Variants in MAST4 observed in about 807,000 individuals in gnomAD.
MAST4 encodes the protein microtubule associated serine/threonine kinase family member 4.
MAST4 carries 89 observed loss-of-function variants against 162.7 expected under a neutral mutation model. That is an observed-to-expected ratio of 0.55 (90% confidence interval 0.46 to 0.65). The LOEUF (loss-of-function observed/expected upper bound fraction) is 0.65, where lower values mean the gene tolerates loss of function less well. MAST4 is among the 30% of genes least tolerant of loss of function. The probability of loss-of-function intolerance (pLI) is 0.00; values close to 1 mark genes in which losing one functional copy is unlikely to be tolerated. For synonymous variants in MAST4, 1,479 were observed against 1,361.1 expected (o/e 1.09, Z -1.91); for missense variants, 3,153 against 3,374.0 (o/e 0.93, Z 1.62).
chr5:66,833,813 G>A (rs747969959), intron 3 of MAST4, among the ~76,000 whole-genome samples: 3 of 152,128 alleles, frequency 2.0e-5, no homozygotes, highest in Non-Finnish European at 4.4e-5. Flanking sequence ...ATTATTTCAT[G>A]TAGGAGTATG....
intron 4 of MAST4, among the ~76,000 whole-genome samples, chr5:66,972,270 G>A (rs185844102): frequency 6.6e-6 from 1 of 152,034 alleles, no homozygotes; most frequent in Non-Finnish European, 1.5e-5. Flanking sequence ...TAATAGTCTC[G>A]GGTGAAAAAG....
chr5:66,824,111 CAT>C (rs1369757542), intron 3 of MAST4, among the ~76,000 whole-genome samples: 1 of 152,210 alleles, frequency 6.6e-6, no homozygotes, highest in African/African-American at 2.4e-5. Context: ...TTTAGAGAGA[CAT>C]ATGAACCCTT....
intron 1 of MAST4, among the ~76,000 whole-genome samples, chr5:66,709,849 T>C (rs566251326): frequency 6.6e-6 from 1 of 152,302 alleles, no homozygotes; most frequent in South Asian, 2.1e-4. Context: ...CTGTGGATAT[T>C]AGGGAGATTT....
At chr5:67,070,772 T>G (rs993250281) in intron 5 of MAST4, among the ~76,000 whole-genome samples, 2 of 152,118 alleles carry the variant, frequency 1.3e-5, no homozygotes, top group African/African-American at 4.8e-5. Context: ...AGAAACAGTA[T>G]GATAGCAAGA....
chr5:66,766,259 C>A (rs1355819226), intron 2 of MAST4, among the ~76,000 whole-genome samples: 2 of 151,968 alleles, frequency 1.3e-5, no homozygotes, highest in African/African-American at 4.8e-5. Flanking sequence ...CTTTTCTCCA[C>A]GAAGAGAGTT....
At chr5:66,819,825 G>C (rs1456305173) in intron 3 of MAST4, among the ~76,000 whole-genome samples, 1 of 150,094 alleles carries the variant, frequency 6.7e-6, no homozygotes, top group Non-Finnish European at 1.5e-5. Flanking sequence ...CAAGGCTGGA[G>C]TGCACTGGTG....
At chr5:66,721,725 C>T (rs1751221739) in intron 1 of MAST4, among the ~76,000 whole-genome samples, 1 of 150,852 alleles carries the variant, frequency 6.6e-6, no homozygotes, top group Admixed American at 6.6e-5. Flanking sequence ...TACTCAACAT[C>T]TCGAATGCCT....
chr5:66,979,392 T>G (rs1049866736), intron 4 of MAST4, among the ~76,000 whole-genome samples: 1 of 152,002 alleles, frequency 6.6e-6, no homozygotes, highest in Non-Finnish European at 1.5e-5. Context: ...AAAAAAATAG[T>G]CATTAGTTTG....
At chr5:67,121,215 G>T in intron 14 of MAST4, 113 bp downstream of exon 14, 1 of 770,820 alleles carries the variant, frequency 1.3e-6, no homozygotes, top group South Asian at 1.8e-5. Context: ...TGACTTTTCA[G>T]ATCACTGCTC....
At chr5:66,784,922 C>G (rs1194383356) in intron 2 of MAST4, among the ~76,000 whole-genome samples, 1 of 152,188 alleles carries the variant, frequency 6.6e-6, no homozygotes, top group Non-Finnish European at 1.5e-5. Context: ...ACTGTAAAAA[C>G]TGGGTTGCAG....
At chr5:66,825,261 GACACACAC>G (rs56076405) in intron 3 of MAST4, among the ~76,000 whole-genome samples, 19,530 of 135,400 alleles carry the variant, frequency 0.14, 1,433 homozygotes, top group Middle Eastern at 0.21. Context: ...TAAAAACTAA[GACACACAC>G]ACACACACAC....
intron 5 of MAST4, among the ~76,000 whole-genome samples, chr5:67,087,279 A>G (rs543535677): frequency 1.5e-4 from 23 of 152,230 alleles, no homozygotes; most frequent in Non-Finnish European, 2.8e-4. Flanking sequence ...GCTAACGACT[A>G]TGCTTGGTTT....
At chr5:66,905,860 A>T (rs1763322361) in intron 4 of MAST4, among the ~76,000 whole-genome samples, 1 of 152,172 alleles carries the variant, frequency 6.6e-6, no homozygotes, top group Non-Finnish European at 1.5e-5. Context: ...CTGGGTTAAG[A>T]TAAGTGATTA....
At chr5:66,800,517 G>T (rs1205143169) in intron 3 of MAST4, among the ~76,000 whole-genome samples, 2 of 152,076 alleles carry the variant, frequency 1.3e-5, no homozygotes, top group Non-Finnish European at 2.9e-5. Flanking sequence ...ACAAAGTTGG[G>T]AACACCAGAC....
chr5:67,042,488 C>G (rs1581311616), intron 4 of MAST4, among the ~76,000 whole-genome samples: 1 of 150,802 alleles, frequency 6.6e-6, no homozygotes, highest in African/African-American at 2.4e-5. Flanking sequence ...AGACATCTGT[C>G]AAGTTAATTA....
At chr5:66,679,157 T>G (rs998270054) in intron 1 of MAST4, among the ~76,000 whole-genome samples, 65 of 152,154 alleles carry the variant, frequency 4.3e-4, no homozygotes, top group African/African-American at 1.6e-3. Context: ...TAAGAAAAGA[T>G]TACTCTGACA....
intron 16 of MAST4, 55 bp downstream of exon 16, chr5:67,132,006 T>C: frequency 6.4e-7 from 1 of 1,550,540 alleles, no homozygotes; most frequent in South Asian, 1.2e-5. Context: ...AGTTCTCGTA[T>C]GTTTATAAAG....
intron 5 of MAST4, among the ~76,000 whole-genome samples, chr5:67,087,448 A>G (rs1350655265): frequency 6.6e-6 from 1 of 152,102 alleles, no homozygotes; most frequent in Non-Finnish European, 1.5e-5. Flanking sequence ...CCTCTAACTA[A>G]TCAGTACCAA....
At chr5:66,840,556 CTTG>C (rs1758350388) in intron 3 of MAST4, among the ~76,000 whole-genome samples, 1 of 151,526 alleles carries the variant, frequency 6.6e-6, no homozygotes, top group African/African-American at 2.4e-5. Context: ...ACATTCATTC[CTTG>C]CTTGGCCTCA....
Sources: gnomAD v4.1 joint callset for allele counts (sites outside exome capture counted in the v4.1 genomes callset) on GRCh38, gnomAD v4.1.1 for gene constraint, MANE v1.5 for transcripts, NCBI Gene and HGNC (gene_info 2026-07-23, HGNC 2026-07-21) for gene names.